The following ZNF331 variants were observed in gnomAD, a reference collection of about 807,000 sequenced individuals.
ZNF331 encodes the protein zinc finger protein 331.
In ZNF331, 2 loss-of-function variants were observed where a neutral mutation model predicts 7.0. The observed-to-expected ratio is 0.29, with a 90% CI of 0.12 to 0.90. The LOEUF (loss-of-function observed/expected upper bound fraction) is 0.90, where lower values mean the gene tolerates loss of function less well. ZNF331 is among the 40% of genes least tolerant of loss of function. The probability of loss-of-function intolerance (pLI) is 0.58; values close to 1 mark genes in which losing one functional copy is unlikely to be tolerated. For synonymous variants in ZNF331, 196 were observed against 205.4 expected, an observed-to-expected ratio of 0.95 and a Z score of 0.39; for missense variants, 432 against 587.7, an observed-to-expected ratio of 0.74 and a Z score of 2.74.
chr19:53,513,749 A>T, the ZNF331 span, among the ~76,000 whole-genome samples: 1 of 151,754 alleles, frequency 6.6e-6, no homozygotes, highest in Non-Finnish European at 1.5e-5. Context: ...CCTTCCGGGG[A>T]GGCGTGATTA....
intron 2 of ZNF331, among the ~76,000 whole-genome samples, chr19:53,532,586 G>A (rs2087583957): frequency 6.6e-6 from 1 of 152,096 alleles, no homozygotes. Context: ...CTTTTTGGAA[G>A]AGTTTCAGAA....
chr19:53,574,347 C>G (rs916186436), intron 5 of ZNF331, among the ~76,000 whole-genome samples: 2 of 152,054 alleles, frequency 1.3e-5, no homozygotes, highest in Admixed American at 6.6e-5. Flanking sequence ...AAGAGCATCC[C>G]CACAGGGCAG....
Position 53,559,721 on chromosome 19 carries a change from A to G in ZNF331, c.-74+3813A>G, listed in dbSNP as rs528536118. Among the ~76,000 whole-genome samples, 296 of 94,202 alleles carry G rather than the reference A, an allele frequency of 3.1e-3. 1 individual carries two copies. Among genetic ancestry groups the G allele is most frequent in the African/African-American group, 0.015 (280 of 18,562 alleles). 61.8% of individuals were successfully genotyped at this position (94,202 alleles called of 152,430 possible). A position where few individuals can be genotyped will look rare whatever the true frequency, so the allele number is the denominator to read the frequency against. ...ACCCCATATATACACAGATATACAC[A>G]CCTACATATATACACATATACACCA... On this transcript the variant is annotated intron_variant, in intron 3 of 5. Transcript: ENST00000449416.
At chr19:53,516,389 G>T (rs1251335224), upstream of ZNF331, among the ~76,000 whole-genome samples, 4 of 150,952 alleles carry the variant, frequency 2.6e-5, no homozygotes, top group Non-Finnish European at 4.4e-5. Context: ...GGCAGAGGTT[G>T]CAGTGAGCCG....
chr19:53,550,774 T>C (rs985435091), intron 2 of ZNF331, among the ~76,000 whole-genome samples: 2 of 151,704 alleles, frequency 1.3e-5, no homozygotes, highest in Admixed American at 6.6e-5. Flanking sequence ...TGACCTCAAG[T>C]GACCTGCCCA....
chr19:53,526,778 T>G (rs2087313556), intron 2 of ZNF331, among the ~76,000 whole-genome samples: 3 of 151,208 alleles, frequency 2.0e-5, no homozygotes, highest in Non-Finnish European at 4.4e-5. Flanking sequence ...GGTCTCGATC[T>G]CCTGACCTCG....
intron 2 of ZNF331, among the ~76,000 whole-genome samples, chr19:53,542,990 G>T (rs1243768106): frequency 6.6e-6 from 1 of 151,954 alleles, no homozygotes; most frequent in African/African-American, 2.4e-5. Context: ...TGTATTTTTA[G>T]TAGAGACAGG....
In ZNF331 at chr19:53,555,830, TTC is replaced by T. The variant is rs2089360313; in HGVS notation, c.-137-13_-137-12del. ...GGTATGGCAGGTGTTACCCTTCTGGTTCTGTTTTCCCCAGGCCAGCATCCTTC... is the reference window on the plus strand; with the variant it reads ...GGTATGGCAGGTGTTACCCTTCTGGTTGTTTTCCCCAGGCCAGCATCCTTC... On this transcript the variant is annotated splice_polypyrimidine_tract_variant and intron_variant, in intron 2 of 5. Transcript: ENST00000449416. 6.6e-6 allele frequency: 1 copy of T among 152,258 alleles called. No homozygotes were observed. The highest frequency in any genetic ancestry group is 2.1e-4 in the South Asian group (1 of 4,822). 9.4% of individuals were successfully genotyped at this position (152,258 alleles called of 1,614,324 possible).
At chr19:53,507,098 T>C in the ZNF331 span, among the ~76,000 whole-genome samples, 2 of 152,250 alleles carry the variant, frequency 1.3e-5, no homozygotes, top group African/African-American at 4.8e-5. Flanking sequence ...ATTGAAAGTA[T>C]GTGAGCAGAC....
chr19:53,556,230 G>A (rs759147518), intron 3 of ZNF331, among the ~76,000 whole-genome samples: 29 of 126,906 alleles, frequency 2.3e-4, no homozygotes, highest in Non-Finnish European at 3.8e-4. Context: ...GCAACACAGC[G>A]AGACTCCATC....
At chr19:53,521,042 G>C (rs1349599062) in exon 1 of ZNF331, 1 of 152,304 alleles carries the variant, frequency 6.6e-6, no homozygotes, top group African/African-American at 2.4e-5. Context: ...GTCCAATGAG[G>C]AGCGAGCCGG....
chr19:53,553,649 T>C lies in ZNF331; in HGVS notation c.-137-2196T>C, dbSNP rs566923386. ...CATCCTGTAGACCCTGTGACATTAG[T>C]ACTTGGAATGAGAGCGGGACTAACT... is the stretch of plus-strand genomic sequence containing the variant. On this transcript the variant is annotated intron_variant, in intron 2 of 5. Coordinates refer to ENST00000449416, the MANE Select transcript of ZNF331 (RefSeq NM_001079906.2). Among the ~76,000 whole-genome samples the C allele has an allele frequency of 7.9e-5, 12 of 152,300 alleles. No individual in the cohort carries two copies. In the South Asian group the frequency reaches 2.3e-3, roughly 29 times the overall value.
At chr19:53,511,273 A>G in the ZNF331 span, among the ~76,000 whole-genome samples, 2 of 152,210 alleles carry the variant, frequency 1.3e-5, no homozygotes, top group Admixed American at 1.3e-4. Flanking sequence ...AGGAAAAGAC[A>G]AAAGAATACC....
At chr19:53,545,907 A>G (rs1281022510) in intron 2 of ZNF331, among the ~76,000 whole-genome samples, 2 of 152,014 alleles carry the variant, frequency 1.3e-5, no homozygotes, top group African/African-American at 4.8e-5. Context: ...TTGGTAGGTG[A>G]GTGTCGGGAG....
chr19:53,540,967 T>C (rs1235171987), intron 2 of ZNF331, among the ~76,000 whole-genome samples: 1 of 152,172 alleles, frequency 6.6e-6, no homozygotes, highest in Non-Finnish European at 1.5e-5. Flanking sequence ...TTCCCTATTT[T>C]AGTGTCAGCC....
chr19:53,575,529 A>G (rs1430666515), intron 5 of ZNF331, among the ~76,000 whole-genome samples: 16 of 78,774 alleles, frequency 2.0e-4, no homozygotes, highest in South Asian at 4.6e-4. Flanking sequence ...TTTGAGACGG[A>G]GTCTTATTCA....
At chr19:53,570,221 A>C (rs1053035441) in intron 4 of ZNF331, among the ~76,000 whole-genome samples, 10 of 145,626 alleles carry the variant, frequency 6.9e-5, no homozygotes, top group East Asian at 2.1e-4. Flanking sequence ...ATGCCACTGC[A>C]CTCCAGCCTG....
the ZNF331 span, among the ~76,000 whole-genome samples, chr19:53,507,093 A>G: frequency 2.0e-5 from 3 of 152,078 alleles, no homozygotes; most frequent in Non-Finnish European, 4.4e-5. Flanking sequence ...GGCTTATTGA[A>G]AGTATGTGAG....
chr19:53,551,555 A>G (rs2089010490), intron 2 of ZNF331, among the ~76,000 whole-genome samples: 1 of 152,140 alleles, frequency 6.6e-6, no homozygotes. Context: ...ACATCATCTG[A>G]AACTAATCCC....
Sources: allele counts gnomAD v4.1 joint callset (sites outside exome capture counted in the v4.1 genomes callset), GRCh38; gene constraint gnomAD v4.1.1; transcripts MANE v1.5; gene names NCBI Gene and HGNC (gene_info 2026-07-23, HGNC 2026-07-21).